Variants in RELCH observed in about 807,000 individuals in gnomAD.
RELCH encodes the protein RAB11 binding and LisH domain, coiled-coil and HEAT repeat containing.
A neutral mutation model predicts 150.3 loss-of-function variants in RELCH; 41 were observed. The ratio of observed to expected loss-of-function variants is 0.27; its 90% confidence interval spans 0.21 to 0.35. The LOEUF is 0.35. Among genes scored for constraint, RELCH ranks in the 10% least tolerant of loss-of-function variants. The probability of loss-of-function intolerance (pLI) is 1.00; values close to 1 mark genes in which losing one functional copy is unlikely to be tolerated. For missense variants in RELCH, 1,092 were observed against 1,467.8 expected (o/e 0.74, Z 4.18); for synonymous variants, 478 against 531.8 (o/e 0.90, Z 1.39).
At chr18:62,258,732 C>G (rs2043109123) in intron 15 of RELCH, 56 bp downstream of exon 15, 1 of 1,241,372 alleles carries the variant, frequency 8.1e-7, no homozygotes, top group Non-Finnish European at 1.1e-6. Flanking sequence ...CTGTCCTAAG[C>G]CATCTTGGAA....
At chr18:62,299,705 G>T (rs1383793960) in intron 28 of RELCH, among the ~76,000 whole-genome samples, 1 of 151,998 alleles carries the variant, frequency 6.6e-6, no homozygotes, top group Non-Finnish European at 1.5e-5. Flanking sequence ...GTTTTTTATA[G>T]AGGTTTTTTA....
chr18:62,206,315 G>A (rs779911098), intron 1 of RELCH, among the ~76,000 whole-genome samples: 3 of 152,204 alleles, frequency 2.0e-5, no homozygotes, highest in East Asian at 1.9e-4. Flanking sequence ...TAAACTGCAG[G>A]GAAATTAAAT....
intron 1 of RELCH, among the ~76,000 whole-genome samples, chr18:62,206,711 A>G (rs1020224200): frequency 9.9e-5 from 15 of 152,218 alleles, no homozygotes; most frequent in African/African-American, 3.6e-4. Flanking sequence ...TGTAAAATTT[A>G]ATAGAGAAGC....
At chr18:62,272,640 T>G (rs1223325876) in intron 20 of RELCH, among the ~76,000 whole-genome samples, 1 of 152,128 alleles carries the variant, frequency 6.6e-6, no homozygotes, top group Non-Finnish European at 1.5e-5. Flanking sequence ...ACAAAAATTT[T>G]TGTTAGGGTA....
At chr18:62,261,468 A>G in intron 15 of RELCH, 43 bp from the exon 16 acceptor site, 1 of 1,581,720 alleles carries the variant, frequency 6.3e-7, no homozygotes, top group Non-Finnish European at 8.7e-7. Context: ...TAGCAATGTA[A>G]CTTCAAAAGA....
intron 1 of RELCH, among the ~76,000 whole-genome samples, chr18:62,197,722 G>A (rs1035971086): frequency 5.3e-5 from 8 of 152,130 alleles, no homozygotes; most frequent in Admixed American, 3.9e-4. Context: ...AAAAGATAGC[G>A]GGATCAAGAA....
chr18:62,205,836 G>A (rs528824234), intron 1 of RELCH, among the ~76,000 whole-genome samples: 1 of 152,192 alleles, frequency 6.6e-6, no homozygotes, highest in Admixed American at 6.5e-5. Flanking sequence ...ACCAGCCAGA[G>A]CAACATGGCA....
intron 2 of RELCH, 30 bp from the exon 3 acceptor site, chr18:62,221,007 T>C: frequency 2.5e-6 from 4 of 1,570,524 alleles, no homozygotes; most frequent in Non-Finnish European, 3.5e-6. Flanking sequence ...GTTGGATGCC[T>C]GTGTGTGTTT....
intron 21 of RELCH, among the ~76,000 whole-genome samples, chr18:62,274,528 T>C (rs2044086674): frequency 6.6e-6 from 1 of 152,224 alleles, no homozygotes; most frequent in African/African-American, 2.4e-5. Context: ...AACACACTCA[T>C]GCATTTGTTA....
chr18:62,258,771 C>A, intron 15 of RELCH, 95 bp downstream of exon 15: 1 of 821,740 alleles, frequency 1.2e-6, no homozygotes, highest in South Asian at 1.9e-5. Flanking sequence ...ACAGAAAGTG[C>A]CCTTAGCTTA....
At chr18:62,294,185 G>A (rs1050649302) in intron 27 of RELCH, among the ~76,000 whole-genome samples, 10 of 152,108 alleles carry the variant, frequency 6.6e-5, no homozygotes, top group African/African-American at 2.4e-4. Flanking sequence ...ATCTTATGAT[G>A]CACATGTACA....
chr18:62,299,366 G>A (rs1290976591), intron 28 of RELCH, among the ~76,000 whole-genome samples: 3 of 152,132 alleles, frequency 2.0e-5, no homozygotes, highest in Non-Finnish European at 4.4e-5. Context: ...TCAGGAGTGG[G>A]AGTTATTTAC....
chr18:62,273,295 T>A (rs1176037677), intron 20 of RELCH, among the ~76,000 whole-genome samples: 3 of 152,064 alleles, frequency 2.0e-5, no homozygotes. Flanking sequence ...TAATAGTTCG[T>A]TGAAAAAAGT....
chr18:62,273,971 C>A lies in RELCH; in HGVS notation c.2761-9C>A, dbSNP rs771653683. On this transcript the variant is annotated splice_polypyrimidine_tract_variant and intron_variant, in intron 20 of 28. Coordinates refer to ENST00000644646, the MANE Select transcript of RELCH (RefSeq NM_001346231.2). ...TTGGAAATTCAGTATCAGTATTTTT[C>A]CTCTGTAGGAAGAAGACCGAAAACT... The A allele has an allele frequency of 5.2e-6, 8 of 1,544,910 alleles. No individual in the cohort carries two copies. In the East Asian group the frequency reaches 1.6e-4, roughly 31 times the overall value.
chr18:62,188,142 A>C, intron 1 of RELCH, 111 bp downstream of exon 1: 1 of 1,250,972 alleles, frequency 8.0e-7, no homozygotes, highest in Non-Finnish European at 1.1e-6. Flanking sequence ...ATTTTAAGGA[A>C]CGAGAGTATT....
At chr18:62,232,178 CTGTTGTTGT>C (rs536910477) in intron 9 of RELCH, among the ~76,000 whole-genome samples, 145 bp from the exon 10 acceptor site, 11 of 149,842 alleles carry the variant, frequency 7.3e-5, no homozygotes, top group South Asian at 2.1e-4. Flanking sequence ...GCTGCTGCTG[CTGTTGTTGT>C]TGTTGTTGTT....
At chr18:62,202,198 A>G (rs2039497817) in intron 1 of RELCH, among the ~76,000 whole-genome samples, 1 of 152,178 alleles carries the variant, frequency 6.6e-6, no homozygotes, top group Non-Finnish European at 1.5e-5. Context: ...TCATATTAGA[A>G]TATGGTAGAT....
rs550765716 is a variant in RELCH, at chr18:62,206,696, G to A, written c.527-4457G>A. Among the ~76,000 whole-genome samples, 22 of 152,172 alleles carry A rather than the reference G, an allele frequency of 1.4e-4. No individual in the cohort carries two copies. In the East Asian group the frequency reaches 2.9e-3, roughly 20 times the overall value. ...CATTAGCTGGATAAAAAAAAGTTTTGTGTGTGTAAAATTTAATAGAGAAGC... is the reference window on the plus strand; with the variant it reads ...CATTAGCTGGATAAAAAAAAGTTTTATGTGTGTAAAATTTAATAGAGAAGC... On this transcript the variant is annotated intron_variant, in intron 1 of 28. Coordinates refer to ENST00000644646, the MANE Select transcript of RELCH (RefSeq NM_001346231.2).
In RELCH at chr18:62,228,565, G is replaced by C. The variant is rs773099199; in HGVS notation, c.1415G>C (p.Ser472Thr). 13 of 1,611,740 alleles carry C rather than the reference G, an allele frequency of 8.1e-6. No individual in the cohort carries two copies. In the East Asian group the frequency reaches 2.7e-4, roughly 33 times the overall value. Residue 472 changes from serine to threonine, a missense_variant, in exon 8 of 29, where the codon AGT becomes ACT. By Grantham distance (58) the Ser-to-Thr change is moderately conservative. Around this residue, in one of 4 missense-constraint regions of RELCH, gnomAD observed 707 missense variants for 1,025.4 expected, o/e 0.69. Transcript: ENST00000644646. ...GGAATGCCACCTTCTTCTCTATCAA[G>C]TAAAAAGACAGTTCATTTTGATAAA... is the stretch of plus-strand genomic sequence containing the variant. The part of the protein sequence containing the change: ...REGMPPSSLS[S>T]KKTVHFDKPN...
Sources: allele counts gnomAD v4.1 joint callset (sites outside exome capture counted in the v4.1 genomes callset), GRCh38; gene constraint gnomAD v4.1.1; regional missense constraint gnomAD v4.1.1; transcripts MANE v1.5; gene names NCBI Gene and HGNC (gene_info 2026-07-23, HGNC 2026-07-21).